AIFM1: variants seen among roughly 807,000 people sequenced by gnomAD.
AIFM1 encodes apoptosis-inducing factor 1, mitochondrial.
Under a neutral mutation model 51.7 loss-of-function variants are expected in AIFM1, and 3 were observed. The observed-to-expected ratio is 0.06, with a 90% CI of 0.03 to 0.15. The LOEUF (loss-of-function observed/expected upper bound fraction) is 0.15. Among genes scored for constraint, AIFM1 ranks in the 10% least tolerant of loss-of-function variants. The pLI is 1.00. For synonymous variants in AIFM1, 178 were observed against 179.4 expected (o/e 0.99, Z 0.06); for missense variants, 330 against 476.8 (o/e 0.69, Z 2.87).
rs377527583 is a variant in AIFM1 at position 130,140,609 on chromosome X, C to A, written c.705G>T (p.Gln235His). The A allele has an allele frequency of 5.0e-6, 6 of 1,200,140 alleles. No individual in the cohort carries two copies. The highest frequency in any genetic ancestry group is 1.7e-5 in the African/African-American group (1 of 57,259). The change falls in exon 7 of 16, where the codon CAG (glutamine) becomes CAT (histidine). Residue 235 changes from glutamine to histidine, a missense_variant. Gln to His is a conservative substitution (Grantham distance 24). Transcript: ENST00000287295. ...TCACCATGTTGTCTCTCACATCCAG[C>A]TGTACTACCTGGTACAGTCACACAC... ...VAVLTGKKVV[Q>H]LDVRDNMVKL...
intron 2 of AIFM1, among the ~76,000 whole-genome samples, chrX:130,152,932 TAAGAGTAGTTTTTG>T (rs1422219431): frequency 9.0e-6 from 1 of 111,517 alleles, no homozygotes; most frequent in Non-Finnish European, 1.9e-5. Flanking sequence ...TGATACCTAG[TAAGAGTAGTTTTTG>T]AAGCTTTGTT....
At chrX:130,135,991 T>C in intron 12 of AIFM1, 54 bp downstream of exon 12, 1 of 1,205,600 alleles carries the variant, frequency 8.3e-7, no homozygotes, top group East Asian at 3.0e-5. Flanking sequence ...CGGGCAGACT[T>C]GTTCACAGGC....
intron 13 of AIFM1, among the ~76,000 whole-genome samples, 154 bp downstream of exon 13, chrX:130,133,159 T>C (rs779020016): frequency 3.0e-4 from 34 of 112,055 alleles, no homozygotes; most frequent in African/African-American, 1.1e-3. Context: ...GCCAGATGGC[T>C]ACCTGAGGGT....
intron 1 of AIFM1, among the ~76,000 whole-genome samples, chrX:130,158,977 G>A (rs1467381978): frequency 9.0e-6 from 1 of 111,207 alleles, no homozygotes; most frequent in Non-Finnish European, 1.9e-5. Flanking sequence ...TGGATCTGTG[G>A]TCTCTCATCT....
chrX:130,155,226 C>T (rs780008728), intron 2 of AIFM1: 29 of 1,208,509 alleles, frequency 2.4e-5, no homozygotes, highest in Non-Finnish European at 3.2e-5. Context: ...GCCATCTTTC[C>T]CAGAAGCACC....
At chrX:130,131,172 G>A (rs1350990448) in intron 14 of AIFM1, among the ~76,000 whole-genome samples, 2 of 111,363 alleles carry the variant, frequency 1.8e-5, no homozygotes, top group Admixed American at 1.9e-4. Flanking sequence ...CTGGCACTAA[G>A]ATCTGCCAAA....
At chrX:130,150,781 C>T (rs1268651216) in intron 2 of AIFM1, among the ~76,000 whole-genome samples, 1 of 104,432 alleles carries the variant, frequency 9.6e-6, no homozygotes, top group African/African-American at 3.5e-5. Context: ...TTGAGACCAG[C>T]CTGGCCAACA....
intron 2 of AIFM1, chrX:130,155,365 A>T: frequency 1.8e-6 from 2 of 1,126,541 alleles, no homozygotes; most frequent in South Asian, 3.7e-5. Context: ...TTCAATACAA[A>T]GGCAGAGAAG....
At chrX:130,150,497 G>A (rs1296658348) in intron 2 of AIFM1, among the ~76,000 whole-genome samples, 5 of 102,340 alleles carry the variant, frequency 4.9e-5, no homozygotes, top group Admixed American at 1.0e-4. Flanking sequence ...CACTATGCCC[G>A]GCTAATTTTT....
intron 1 of AIFM1, 120 bp downstream of exon 1, chrX:130,165,431 A>G: frequency 4.8e-6 from 3 of 620,439 alleles, no homozygotes; most frequent in South Asian, 4.8e-5. Context: ...GCCAATTTGG[A>G]ATTCACGTGA....
Position 130,165,837 on chromosome X carries a change from G to A in AIFM1, c.-181C>T. 1 of 496,781 alleles carries A rather than the reference G, an allele frequency of 2.0e-6. No individual in the cohort carries two copies. Among genetic ancestry groups the A allele is most frequent in the Non-Finnish European group, 3.6e-6 (1 of 276,145 alleles). The allele number at this position is 496,781 out of a possible 1,213,427, so 40.9% of individuals were successfully genotyped here. ...GCCGGCCTGCTAGAGCCGGGGAAGG[G>A]GAACGGCGACCGGAGGCCTACTGCG... On this transcript the variant is annotated 5_prime_UTR_variant, in exon 1 of 16. Transcript: ENST00000287295.
chrX:130,143,884 T>C (rs1045722734), intron 6 of AIFM1, among the ~76,000 whole-genome samples: 5 of 111,180 alleles, frequency 4.5e-5, no homozygotes, highest in African/African-American at 1.6e-4. Context: ...ACTGATGTTA[T>C]TAATAGCTTA....
chrX:130,152,934 A>G (rs774933841), intron 2 of AIFM1, among the ~76,000 whole-genome samples: 1 of 111,766 alleles, frequency 8.9e-6, no homozygotes, highest in Non-Finnish European at 1.9e-5. Flanking sequence ...ATACCTAGTA[A>G]GAGTAGTTTT....
At chrX:130,150,996 GA>G (rs1353229342) in intron 2 of AIFM1, among the ~76,000 whole-genome samples, 1 of 62,936 alleles carries the variant, frequency 1.6e-5, no homozygotes, top group Non-Finnish European at 2.9e-5. Flanking sequence ...AAAAAAAAAA[GA>G]AAAGAAAAAC....
chrX:130,137,502 A>G, intron 9 of AIFM1: 1 of 1,167,682 alleles, frequency 8.6e-7, no homozygotes, highest in Admixed American at 2.6e-5. Flanking sequence ...CATCCTCCTG[A>G]AAAGATGCCC....
Position 130,138,615 on chromosome X carries a change from C to T in AIFM1, c.945G>A (p.Leu315=). The stretch of plus-strand genomic sequence containing the variant: ...CACCCTTTCTGCCAAGAGCACAGGC[C>T]AGTTCGCTACCAAGGAAGCCCCCAC... ...IIGGGFLGSE[L]ACALGRKARA... is the part of the protein sequence containing the mutation. The change falls in exon 9 of 16, where the codon CTG becomes CTA. Residue 315 remains leucine, a synonymous_variant. Coordinates refer to ENST00000287295, the MANE Select transcript of AIFM1 (RefSeq NM_004208.4). 8.3e-7 allele frequency: 1 copy of T among 1,208,805 alleles called. No homozygotes were observed. Among genetic ancestry groups the T allele is most frequent in the South Asian group, 1.8e-5 (1 of 56,896 alleles).
At position 130,137,130 on chromosome X, in the gene AIFM1, T is replaced by C. The variant is rs2030378020; in HGVS notation, c.1023A>G (p.Gly341=). The C allele has an allele frequency of 1.7e-6, 2 of 1,211,385 alleles. No homozygotes were observed. Among genetic ancestry groups the C allele is most frequent in the African/African-American group, 3.5e-5 (2 of 57,666 alleles). The change falls in exon 10 of 16, where the codon GGA becomes GGG. Residue 341 remains glycine (G), a synonymous_variant. Transcript: ENST00000287295. ...IQLFPEKGNM[G]KILPEYLSNW... is the part of the protein sequence containing the mutation. ...TGCTGAGGTATTCGGGGAGGATCTT[T>C]CCCATATTTCCTTTCTCGGGGAAGA...
At chrX:130,129,836 C>CT (rs1410668847) in intron 15 of AIFM1, 134 bp downstream of exon 15, 2 of 872,658 alleles carry the variant, frequency 2.3e-6, no homozygotes, top group Non-Finnish European at 3.4e-6. Context: ...TGAGCCAAGG[C>CT]TATACCTTTG....
At chrX:130,141,301 T>C (rs766850367) in intron 6 of AIFM1, among the ~76,000 whole-genome samples, 39 of 111,818 alleles carry the variant, frequency 3.5e-4, no homozygotes, top group Admixed American at 1.2e-3. Context: ...GGCAGTCATA[T>C]GTTGGAAATT....
Sources: allele counts gnomAD v4.1 joint callset (sites outside exome capture counted in the v4.1 genomes callset), GRCh38; gene constraint gnomAD v4.1.1; transcripts MANE v1.5; gene names NCBI Gene and HGNC (gene_info 2026-07-23, HGNC 2026-07-21).